GRIN2A: variants seen among roughly 807,000 people sequenced by gnomAD.
The protein encoded by GRIN2A is glutamate ionotropic receptor NMDA type subunit 2A.
Under a neutral mutation model 113.4 loss-of-function variants are expected in GRIN2A, and 22 were observed. The ratio of observed to expected loss-of-function variants is 0.19; its 90% CI spans 0.14 to 0.28. The LOEUF (loss-of-function observed/expected upper bound fraction) is 0.28, where lower values mean the gene tolerates loss of function less well. Among genes scored for constraint, GRIN2A ranks in the 10% least tolerant of loss-of-function variants. The pLI is 1.00. For missense variants in GRIN2A, 1,502 were observed against 1,887.0 expected (o/e 0.80, Z 3.78); for synonymous variants, 827 against 738.4 (o/e 1.12, Z -1.94).
chr16:9,989,053 C>A (rs2046045721), intron 2 of GRIN2A, among the ~76,000 whole-genome samples: 1 of 151,982 alleles, frequency 6.6e-6, no homozygotes, highest in Non-Finnish European at 1.5e-5. Flanking sequence ...TTCTTTGCCT[C>A]AAAATAAAAA....
chr16:10,163,472 T>C (rs747396851), intron 2 of GRIN2A, among the ~76,000 whole-genome samples: 5 of 152,190 alleles, frequency 3.3e-5, no homozygotes, highest in Non-Finnish European at 5.9e-5. Flanking sequence ...GCATACACGT[T>C]GGCATAAATG....
At chr16:9,933,975 T>C (rs187524074) in intron 3 of GRIN2A, among the ~76,000 whole-genome samples, 1 of 152,230 alleles carries the variant, frequency 6.6e-6, no homozygotes, top group East Asian at 1.9e-4. Flanking sequence ...TACGAACACA[T>C]GTACATGGAT....
chr16:9,963,699 T>G (rs1286345329), intron 2 of GRIN2A, among the ~76,000 whole-genome samples: 1 of 152,202 alleles, frequency 6.6e-6, no homozygotes, highest in Non-Finnish European at 1.5e-5. Flanking sequence ...TTTTAGATAA[T>G]TACTACAGGT....
intron 2 of GRIN2A, chr16:10,112,493 G>A (rs2048637343): frequency 4.5e-6 from 4 of 881,662 alleles, no homozygotes; most frequent in Admixed American, 3.4e-5. Context: ...CGTGGGGCAC[G>A]TGGTCAAGGC....
chr16:9,962,505 T>A, intron 2 of GRIN2A, among the ~76,000 whole-genome samples: 1 of 151,996 alleles, frequency 6.6e-6, no homozygotes, highest in Admixed American at 6.6e-5. Flanking sequence ...AAAAAACACA[T>A]GAAAAAATGC....
chr16:10,075,957 T>C (rs564621625), intron 2 of GRIN2A, among the ~76,000 whole-genome samples: 3 of 152,358 alleles, frequency 2.0e-5, no homozygotes, highest in Admixed American at 6.5e-5. Flanking sequence ...TTAGCCACTA[T>C]GCTTCTAGAC....
At chr16:9,848,201 T>C (rs1489987064) in intron 5 of GRIN2A, among the ~76,000 whole-genome samples, 1 of 150,094 alleles carries the variant, frequency 6.7e-6, no homozygotes, top group African/African-American at 2.4e-5. Context: ...ATAATGTTTA[T>C]ATATTTCTAT....
chr16:10,064,806 G>T, intron 2 of GRIN2A, among the ~76,000 whole-genome samples: 1 of 152,134 alleles, frequency 6.6e-6, no homozygotes, highest in Non-Finnish European at 1.5e-5. Context: ...TGATCCCATG[G>T]ACTAGACTAT....
intron 2 of GRIN2A, among the ~76,000 whole-genome samples, chr16:10,142,409 G>A (rs562659831): frequency 2.0e-5 from 3 of 152,274 alleles, no homozygotes; most frequent in East Asian, 1.9e-4. Flanking sequence ...TTAAACCAAC[G>A]AAAGTGACCA....
intron 2 of GRIN2A, among the ~76,000 whole-genome samples, chr16:10,004,498 C>T (rs1307633593): frequency 1.3e-5 from 2 of 152,094 alleles, no homozygotes; most frequent in Non-Finnish European, 2.9e-5. Context: ...TCATGGATGT[C>T]AGAATTCCCA....
intron 2 of GRIN2A, among the ~76,000 whole-genome samples, chr16:10,142,729 A>C (rs1477462210): frequency 6.6e-6 from 1 of 152,142 alleles, no homozygotes; most frequent in African/African-American, 2.4e-5. Context: ...AACCAACCAA[A>C]GACACCCTAA....
At chr16:9,879,230 C>T (rs2043430833) in intron 4 of GRIN2A, among the ~76,000 whole-genome samples, 2 of 151,856 alleles carry the variant, frequency 1.3e-5, no homozygotes, top group Admixed American at 6.5e-5. Flanking sequence ...ATTACCAAAC[C>T]CATTTTATAA....
intron 2 of GRIN2A, among the ~76,000 whole-genome samples, chr16:9,976,433 C>T (rs1290264712): frequency 6.6e-6 from 1 of 152,172 alleles, no homozygotes; most frequent in Non-Finnish European, 1.5e-5. Flanking sequence ...TGCCAGATCC[C>T]GGTGTTCTGA....
intron 2 of GRIN2A, among the ~76,000 whole-genome samples, chr16:9,995,573 G>T (rs561304786): frequency 6.6e-6 from 1 of 152,192 alleles, no homozygotes; most frequent in East Asian, 1.9e-4. Flanking sequence ...GGAAGGAGGG[G>T]TCCAAACCAG....
At chr16:9,793,041 A>C (rs987918357) in intron 11 of GRIN2A, among the ~76,000 whole-genome samples, 3 of 152,220 alleles carry the variant, frequency 2.0e-5, no homozygotes, top group African/African-American at 7.2e-5. Context: ...TGTTTTAGGA[A>C]GATCCTCACG....
intron 2 of GRIN2A, among the ~76,000 whole-genome samples, chr16:10,159,245 T>C (rs1197320597): frequency 6.6e-6 from 1 of 152,102 alleles, no homozygotes; most frequent in East Asian, 1.9e-4. Flanking sequence ...AAGGAAGGCT[T>C]GGACAACAGG....
At chr16:10,038,748 T>A (rs1047013191) in intron 2 of GRIN2A, among the ~76,000 whole-genome samples, 1 of 151,304 alleles carries the variant, frequency 6.6e-6, no homozygotes, top group African/African-American at 2.4e-5. Flanking sequence ...CTAGGGTGGC[T>A]GAGGCAGGAC....
chr16:9,990,938 G>C (rs897207781), intron 2 of GRIN2A, among the ~76,000 whole-genome samples: 4 of 151,966 alleles, frequency 2.6e-5, no homozygotes, highest in Admixed American at 1.3e-4. Context: ...ATGGTTGCGG[G>C]TACCTGTAAT....
At chr16:10,166,001 C>T (rs2049914424) in intron 2 of GRIN2A, among the ~76,000 whole-genome samples, 1 of 152,262 alleles carries the variant, frequency 6.6e-6, no homozygotes, top group South Asian at 2.1e-4. Context: ...GCAAGCCTGC[C>T]TTTTTCCACA....
Sources: gnomAD v4.1 joint callset for allele counts (sites outside exome capture counted in the v4.1 genomes callset) on GRCh38, gnomAD v4.1.1 for gene constraint, MANE v1.5 for transcripts, NCBI Gene and HGNC (gene_info 2026-07-23, HGNC 2026-07-21) for gene names.